GXYLT2: variants seen among roughly 807,000 people sequenced by gnomAD.
GXYLT2 encodes the protein glucoside xylosyltransferase 2, also known as glycosyltransferase 8 domain containing 4.
GXYLT2 carries 53 observed loss-of-function variants against 45.8 expected under a neutral mutation model. The observed-to-expected ratio is 1.16, with a 90% CI of 0.93 to 1.46. The LOEUF is 1.46. Among genes scored for constraint, GXYLT2 ranks in the 40% most tolerant of loss-of-function variants. The probability of loss-of-function intolerance (pLI) is 0.00; values close to 1 mark genes in which losing one functional copy is unlikely to be tolerated. For synonymous variants in GXYLT2, 219 were observed against 214.2 expected, an observed-to-expected ratio of 1.02 and a Z score of -0.19; for missense variants, 551 against 544.4, an observed-to-expected ratio of 1.01 and a Z score of -0.12.
At chr3:72,965,200 T>G (rs567823827) in intron 5 of GXYLT2, among the ~76,000 whole-genome samples, 179 of 152,298 alleles carry the variant, frequency 1.2e-3, no homozygotes, top group Non-Finnish European at 2.1e-3. Context: ...ATTAGAAATT[T>G]GATAAAGGAT....
chr3:72,955,365 A>C lies in GXYLT2; in HGVS notation c.852+16A>C. On this transcript the variant is annotated intron_variant, in intron 4 of 6. Coordinates refer to ENST00000389617, the MANE Select transcript of GXYLT2 (RefSeq NM_001080393.2). ...CCAGTTCAAGGTAAACGAGTGCTTT[A>C]AAATTCCTTGTTTAAAGACTGGGAG... 1 of 1,610,276 alleles carries C rather than the reference A, an allele frequency of 6.2e-7. No individual in the cohort carries two copies. The highest frequency in any genetic ancestry group is 8.5e-7 in the Non-Finnish European group (1 of 1,177,226).
chr3:72,914,338 T>C (rs1709689321), intron 2 of GXYLT2, among the ~76,000 whole-genome samples: 11 of 152,056 alleles, frequency 7.2e-5, no homozygotes, highest in Admixed American at 7.2e-4. Context: ...TGCCAGCCAG[T>C]TGGTTTCCTA....
At chr3:72,964,368 G>T (rs550017655) in intron 5 of GXYLT2, among the ~76,000 whole-genome samples, 77 of 151,820 alleles carry the variant, frequency 5.1e-4, no homozygotes, top group African/African-American at 1.7e-3. Context: ...TGTCGTTCGG[G>T]CTGGAGTGCA....
intron 3 of GXYLT2, among the ~76,000 whole-genome samples, chr3:72,928,303 T>C (rs1350364280): frequency 6.6e-6 from 1 of 152,206 alleles, no homozygotes; most frequent in Non-Finnish European, 1.5e-5. Flanking sequence ...TTCAAGAAAA[T>C]CTACTAAAAC....
intron 5 of GXYLT2, among the ~76,000 whole-genome samples, chr3:72,966,635 G>T (rs1043244844): frequency 9.5e-5 from 14 of 147,898 alleles, no homozygotes; most frequent in Middle Eastern, 3.4e-3. Flanking sequence ...TGGTTTGTTC[G>T]TTTTTTTTTG....
In GXYLT2 at chr3:72,969,922, C is replaced by CAAA. The variant is rs1319712246; in HGVS notation, c.1149+2206_1149+2208dup. On this transcript the variant is annotated intron_variant, in intron 6 of 6. Transcript: ENST00000389617. The stretch of plus-strand genomic sequence containing the variant: ...AAATGTGCATTTGAAAAAAAAAAAA[C>CAAA]AAAAACATTTAAGGCCCAGCACAGT... Among the ~76,000 whole-genome samples the CAAA allele has an allele frequency of 1.1e-4, 15 of 138,074 alleles. No homozygotes were observed. The East Asian group carries it at 2.3e-3, about 21-fold the overall frequency. The allele number at this position is 138,074 out of a possible 152,430, so 90.6% of individuals were successfully genotyped here.
chr3:72,969,733 T>G (rs1328065930), intron 6 of GXYLT2, among the ~76,000 whole-genome samples: 1 of 152,074 alleles, frequency 6.6e-6, no homozygotes, highest in Non-Finnish European at 1.5e-5. Context: ...ATATTTACCA[T>G]CTACTCCTTT....
intron 3 of GXYLT2, chr3:72,929,344 G>A: frequency 1.9e-6 from 2 of 1,036,896 alleles, no homozygotes. Flanking sequence ...TGAATGCGAT[G>A]GAGTGTGCAT....
intron 1 of GXYLT2, among the ~76,000 whole-genome samples, chr3:72,894,139 T>C (rs1322127494): frequency 6.6e-6 from 1 of 152,190 alleles, no homozygotes; most frequent in Non-Finnish European, 1.5e-5. Context: ...CATAAGGGAA[T>C]CGCCTTTAGG....
chr3:72,890,136 C>T (rs1263117606), intron 1 of GXYLT2, among the ~76,000 whole-genome samples: 1 of 152,104 alleles, frequency 6.6e-6, no homozygotes, highest in African/African-American at 2.4e-5. Flanking sequence ...TGGCCAGGAA[C>T]TCCTGAGCCC....
intron 1 of GXYLT2, among the ~76,000 whole-genome samples, chr3:72,898,727 T>G (rs1451098155): frequency 6.6e-6 from 1 of 152,044 alleles, no homozygotes; most frequent in Non-Finnish European, 1.5e-5. Flanking sequence ...AGGGCTCTTT[T>G]TCTTTTCTTT....
intron 1 of GXYLT2, among the ~76,000 whole-genome samples, chr3:72,906,933 C>A (rs1709522330): frequency 6.6e-6 from 1 of 152,110 alleles, no homozygotes; most frequent in Non-Finnish European, 1.5e-5. Context: ...TGATTTTAAT[C>A]AAGAGAATAA....
chr3:72,900,408 C>T (rs1454813395), intron 1 of GXYLT2, among the ~76,000 whole-genome samples: 1 of 151,960 alleles, frequency 6.6e-6, no homozygotes, highest in Admixed American at 6.6e-5. Context: ...TCCCACATGG[C>T]ATCACAATTT....
Position 72,892,443 on chromosome 3 carries a change from A to G in GXYLT2, c.275+3935A>G, listed in dbSNP as rs1285415489. Among the ~76,000 whole-genome samples, 4 of 152,132 alleles carry G rather than the reference A, an allele frequency of 2.6e-5. No individual in the cohort carries two copies. The South Asian group carries it at 6.2e-4, about 24-fold the overall frequency. Reference sequence around the variant, plus strand: ...CTAAGCCCTGTAGTTTTCCTCTGCCATTTTATTCCATAGTCATTCAGCAAA... The same window carrying G: ...CTAAGCCCTGTAGTTTTCCTCTGCCGTTTTATTCCATAGTCATTCAGCAAA... On this transcript the variant is annotated intron_variant, in intron 1 of 6. Coordinates refer to ENST00000389617, the MANE Select transcript of GXYLT2 (RefSeq NM_001080393.2).
In GXYLT2 at chr3:72,946,808, A is replaced by C. The variant is rs185679035; in HGVS notation, c.601-8290A>C. 3.0e-3 allele frequency among the ~76,000 whole-genome samples: 449 copies of C among 152,174 alleles called. 1 individual carries two copies. Among genetic ancestry groups the C allele is most frequent in the Middle Eastern group, 0.01 (3 of 294 alleles). ...AAGATGATTCCTTTGTTAAATTAGA[A>C]ATTTATAGCTTTAATTTTGTTTTTA... is the stretch of plus-strand genomic sequence containing the variant. On this transcript the variant is annotated intron_variant, in intron 3 of 6. Coordinates refer to ENST00000389617, the MANE Select transcript of GXYLT2 (RefSeq NM_001080393.2).
At chr3:72,932,732 C>A (rs1173096627) in intron 3 of GXYLT2, among the ~76,000 whole-genome samples, 2 of 152,182 alleles carry the variant, frequency 1.3e-5, no homozygotes, top group African/African-American at 4.8e-5. Flanking sequence ...CAGAGAGGTC[C>A]AGTTACTTTG....
chr3:72,958,302 T>A (rs1416751339), intron 5 of GXYLT2, among the ~76,000 whole-genome samples: 1 of 151,900 alleles, frequency 6.6e-6, no homozygotes, highest in Non-Finnish European at 1.5e-5. Flanking sequence ...TAAAACTATG[T>A]TTTCTTCTTG....
chr3:72,947,371 C>A (rs982221006), intron 3 of GXYLT2, among the ~76,000 whole-genome samples: 6 of 151,884 alleles, frequency 4.0e-5, no homozygotes, highest in Non-Finnish European at 8.8e-5. Flanking sequence ...GGTGTAAGGC[C>A]CTGGAGCCAA....
At chr3:72,945,341 A>G (rs1710384395) in intron 3 of GXYLT2, among the ~76,000 whole-genome samples, 1 of 152,222 alleles carries the variant, frequency 6.6e-6, no homozygotes, top group South Asian at 2.1e-4. Context: ...GAGTGAGCTC[A>G]ACAGTTGAAT....
Sources: allele counts gnomAD v4.1 joint callset (sites outside exome capture counted in the v4.1 genomes callset), GRCh38; gene constraint gnomAD v4.1.1; transcripts MANE v1.5; gene names NCBI Gene and HGNC (gene_info 2026-07-23, HGNC 2026-07-21).